Variants in BNC2 observed in about 807,000 individuals in gnomAD.
BNC2 encodes zinc finger protein basonuclin-2.
BNC2 carries 20 observed loss-of-function variants against 76.3 expected under a neutral mutation model. The ratio of observed to expected loss-of-function variants is 0.26; its 90% CI spans 0.18 to 0.38. The LOEUF is 0.38. BNC2 is among the 10% of genes least tolerant of loss of function. BNC2 has a pLI of 1.00. For synonymous variants in BNC2, 582 were observed against 514.8 expected (o/e 1.13, Z -1.77); for missense variants, 1,382 against 1,399.8 (o/e 0.99, Z 0.20).
chr9:16,840,856 C>T (rs1818807215), intron 1 of BNC2, among the ~76,000 whole-genome samples: 1 of 152,170 alleles, frequency 6.6e-6, no homozygotes, highest in Non-Finnish European at 1.5e-5. Flanking sequence ...AAAATATCTT[C>T]ACTACTCTTT....
intron 5 of BNC2, among the ~76,000 whole-genome samples, chr9:16,486,836 C>T (rs1369942827): frequency 6.6e-6 from 1 of 152,122 alleles, no homozygotes; most frequent in Non-Finnish European, 1.5e-5. Context: ...AGCGATCCTC[C>T]TGCCTCAGCC....
At chr9:16,635,104 C>T (rs1821285388) in intron 3 of BNC2, among the ~76,000 whole-genome samples, 1 of 152,172 alleles carries the variant, frequency 6.6e-6, no homozygotes, top group South Asian at 2.1e-4. Context: ...GTTTCTCTTG[C>T]AGTCTTAGCT....
intron 3 of BNC2, among the ~76,000 whole-genome samples, chr9:16,661,006 T>C (rs962450620): frequency 6.6e-6 from 1 of 152,214 alleles, no homozygotes; most frequent in African/African-American, 2.4e-5. Flanking sequence ...AGGATGACTG[T>C]AGATGATCTA....
intron 3 of BNC2, among the ~76,000 whole-genome samples, chr9:16,699,605 T>C (rs1189831080): frequency 6.6e-6 from 1 of 152,226 alleles, no homozygotes; most frequent in East Asian, 1.9e-4. Flanking sequence ...AAGTGCAAAC[T>C]GCATAAGACT....
chr9:16,793,864 T>G (rs1254680092), intron 1 of BNC2, among the ~76,000 whole-genome samples: 2 of 125,736 alleles, frequency 1.6e-5, no homozygotes, highest in African/African-American at 6.3e-5. Flanking sequence ...GTTTTTGTTT[T>G]TTTGTTTTTT....
At chr9:16,679,652 G>A (rs1236265280) in intron 3 of BNC2, among the ~76,000 whole-genome samples, 2 of 152,224 alleles carry the variant, frequency 1.3e-5, no homozygotes, top group African/African-American at 4.8e-5. Context: ...GTTGTCCTCT[G>A]AAGGACGTTC....
chr9:16,568,096 G>A (rs761778489), intron 4 of BNC2, among the ~76,000 whole-genome samples: 3 of 152,066 alleles, frequency 2.0e-5, no homozygotes, highest in South Asian at 4.1e-4. Context: ...TAATTGTTTC[G>A]AGAACTCTGG....
At chr9:16,797,899 G>C (rs893694898) in intron 1 of BNC2, among the ~76,000 whole-genome samples, 1 of 152,024 alleles carries the variant, frequency 6.6e-6, no homozygotes, top group Non-Finnish European at 1.5e-5. Context: ...GAAAGTATGG[G>C]ATATCCACAG....
intron 3 of BNC2, among the ~76,000 whole-genome samples, chr9:16,674,880 T>G (rs758994931): frequency 1.4e-4 from 21 of 152,190 alleles, no homozygotes; most frequent in Non-Finnish European, 3.1e-4. Context: ...ATTCCACTGT[T>G]CAGTTGTCTA....
At chr9:16,752,085 G>T (rs963823994) in intron 1 of BNC2, among the ~76,000 whole-genome samples, 1 of 152,066 alleles carries the variant, frequency 6.6e-6, no homozygotes, top group African/African-American at 2.4e-5. Flanking sequence ...ACGGTAACTT[G>T]AACTCCTAGC....
rs1172019474 is a variant in BNC2 at position 16,409,880 on chromosome 9, G to A, written c.*9109C>T. 6.6e-6 allele frequency: 1 copy of A among 152,518 alleles called. No homozygotes were observed. The highest frequency in any genetic ancestry group is 2.4e-5 in the African/African-American group (1 of 41,408). The allele number at this position is 152,518 out of a possible 1,614,324, so 9.4% of individuals were successfully genotyped here. A position where few individuals can be genotyped will look rare whatever the true frequency, so the allele number is the denominator to read the frequency against. ...AGTACAGACTTTGATTCTGCGGCAG[G>A]CTTATTGCAAGAGACTGGTTTTATG... On this transcript the variant is annotated 3_prime_UTR_variant, in exon 7 of 7. Coordinates refer to ENST00000380672, the MANE Select transcript of BNC2 (RefSeq NM_017637.6).
chr9:16,589,011 G>T (rs1456061661), intron 3 of BNC2, among the ~76,000 whole-genome samples: 1 of 152,152 alleles, frequency 6.6e-6, no homozygotes, highest in Non-Finnish European at 1.5e-5. Flanking sequence ...TGGGCAAATA[G>T]AAGCATAAAG....
chr9:16,586,473 C>T (rs1465318880), intron 3 of BNC2, among the ~76,000 whole-genome samples: 1 of 152,164 alleles, frequency 6.6e-6, no homozygotes. Context: ...ATGTTCTCAT[C>T]CCATCTGGTC....
rs138108118 is a variant in BNC2 at position 16,436,246 on chromosome 9, C to T, written c.1948G>A (p.Ala650Thr). ...VKIEKEIIDT[A>T]DEFDDEDDDP... ...TCATCTTCATCATCAAACTCATCGG[C>T]GGTATCAATAATTTCCTTCTCAATC... The change falls in exon 6 of 7, where the codon GCC (alanine) becomes ACC (threonine). Residue 650 changes from alanine to threonine, a missense_variant. By Grantham distance (58) the Ala-to-Thr change is moderately conservative (BLOSUM62 0). Transcript: ENST00000380672. 776 of 1,614,112 alleles carry T rather than the reference C, an allele frequency of 4.8e-4. 9 individuals carry two copies. In the South Asian group the frequency reaches 7.5e-3, roughly 16 times the overall value.
At chr9:16,514,095 A>C (rs1822822119) in intron 5 of BNC2, among the ~76,000 whole-genome samples, 1 of 152,172 alleles carries the variant, frequency 6.6e-6, no homozygotes, top group African/African-American at 2.4e-5. Context: ...TTTCCAGTGG[A>C]AATCTGAACC....
At chr9:16,648,654 G>A (rs763917339) in intron 3 of BNC2, among the ~76,000 whole-genome samples, 1 of 152,136 alleles carries the variant, frequency 6.6e-6, no homozygotes, top group Admixed American at 6.5e-5. Flanking sequence ...GGTTAATGAG[G>A]CTCCATCAAA....
In BNC2 at chr9:16,435,845, G is replaced by C; in HGVS notation, c.2349C>G (p.Tyr783Ter). 1 of 1,613,856 alleles carries C rather than the reference G, an allele frequency of 6.2e-7. No homozygotes were observed. The highest frequency in any genetic ancestry group is 2.2e-5 in the East Asian group (1 of 44,854). Reference protein sequence around the residue: ...KVKEEFTDPTYDMFYMSQYGL... With the variant: ...KVKEEFTDPT ...CATACTGGCTCATGTAAAACATGTC[G>C]TAAGTGGGGTCTGTAAATTCTTCCT... The change falls in exon 6 of 7, where the codon TAC (tyrosine) becomes TAG (stop). Residue 783 changes from tyrosine (Y) to a stop codon, truncating the protein, a stop_gained. Coordinates refer to ENST00000380672, the MANE Select transcript of BNC2 (RefSeq NM_017637.6). LOFTEE classifies it high-confidence loss of function.
chr9:16,454,436 G>T (rs1255665898), intron 5 of BNC2, among the ~76,000 whole-genome samples: 1 of 152,058 alleles, frequency 6.6e-6, no homozygotes, highest in Non-Finnish European at 1.5e-5. Flanking sequence ...AAGTAGCTAG[G>T]ACTACAGGCA....
At chr9:16,818,347 T>G (rs1586908431) in intron 1 of BNC2, among the ~76,000 whole-genome samples, 1 of 152,024 alleles carries the variant, frequency 6.6e-6, no homozygotes, top group Non-Finnish European at 1.5e-5. Flanking sequence ...GAGCTTGTAG[T>G]GAGCCGACAT....
Sources: gnomAD v4.1 joint callset for allele counts (sites outside exome capture counted in the v4.1 genomes callset) on GRCh38, gnomAD v4.1.1 for gene constraint, MANE v1.5 for transcripts, NCBI Gene and HGNC (gene_info 2026-07-23, HGNC 2026-07-21) for gene names.